Variants in FAM163A observed in about 807,000 individuals in gnomAD.
FAM163A encodes family with sequence similarity 163 member A, also known as protein FAM163A.
A neutral mutation model predicts 12.0 loss-of-function variants in FAM163A; 7 were observed. The ratio of observed to expected loss-of-function variants is 0.58; its 90% CI spans 0.33 to 1.10. The LOEUF (loss-of-function observed/expected upper bound fraction) is 1.10. FAM163A is among the 50% of genes least tolerant of loss of function. FAM163A has a pLI of 0.03. For missense variants in FAM163A, 202 were observed against 218.6 expected, an observed-to-expected ratio of 0.92 and a Z score of 0.48; for synonymous variants, 101 against 91.0, an observed-to-expected ratio of 1.11 and a Z score of -0.62.
chr1:179,813,257 G>A lies in FAM163A; in HGVS notation c.93+67G>A, dbSNP rs1694952915. ...AGCAAACCTCTTTTTCATTATGGGG[G>A]CAGAAACTGGAGGCCGACTTCAGGG... On this transcript the variant is annotated intron_variant, in intron 4 of 4. Coordinates refer to ENST00000341785, the MANE Select transcript of FAM163A (RefSeq NM_173509.3). The A allele has an allele frequency of 4.1e-6, 6 of 1,446,550 alleles. No homozygotes were observed. In the East Asian group the frequency reaches 1.0e-4, roughly 24 times the overall value. The allele number at this position is 1,446,550 out of a possible 1,614,324, so 89.6% of individuals were successfully genotyped here. A position where few individuals can be genotyped will look rare whatever the true frequency, so the allele number is the denominator to read the frequency against.
At position 179,803,908 on chromosome 1, in the gene FAM163A, C is replaced by T. The variant is rs559686026; in HGVS notation, c.-135-3890C>T. On this transcript the variant is annotated intron_variant, in intron 1 of 4. Transcript: ENST00000341785. ...CCACTTTATTGGCTCCATCCCCACC[C>T]AGGCTAATGCCACATGCCTTTGGTT... The T allele has an allele frequency of 4.6e-5, 7 of 151,136 alleles. No homozygotes were observed. The East Asian group carries it at 1.4e-3, about 30-fold the overall frequency. 9.4% of individuals were successfully genotyped at this position (151,136 alleles called of 1,614,324 possible).
At chr1:179,757,002 G>C (rs1210067414) in intron 1 of FAM163A, among the ~76,000 whole-genome samples, 2 of 152,154 alleles carry the variant, frequency 1.3e-5, no homozygotes, top group Non-Finnish European at 2.9e-5. Flanking sequence ...AGGAAGTAGA[G>C]ACAGCAAGTT....
the FAM163A span, among the ~76,000 whole-genome samples, chr1:179,732,734 A>G: frequency 5.7e-4 from 86 of 152,078 alleles, 1 homozygote; most frequent in Non-Finnish European, 1.5e-4. Context: ...TACAAAAATT[A>G]GCCAGGCGTG....
chr1:179,761,621 T>C (rs1036254614), intron 1 of FAM163A, among the ~76,000 whole-genome samples: 32 of 152,198 alleles, frequency 2.1e-4, no homozygotes, highest in African/African-American at 7.2e-4. Context: ...ACAGATCACA[T>C]TCTCAAAATA....
intron 2 of FAM163A, among the ~76,000 whole-genome samples, chr1:179,808,726 T>TA (rs1259316010): frequency 6.6e-6 from 1 of 151,920 alleles, no homozygotes; most frequent in African/African-American, 2.4e-5. Flanking sequence ...GGGAGGGGAG[T>TA]ACACAAGGGC....
At chr1:179,734,717 A>G in the FAM163A span, among the ~76,000 whole-genome samples, 1,407 of 152,324 alleles carry the variant, frequency 9.2e-3, 23 homozygotes, top group African/African-American at 0.03. Flanking sequence ...TTAGAATTTC[A>G]ACATAGAATT....
intron 1 of FAM163A, among the ~76,000 whole-genome samples, chr1:179,772,392 T>G (rs1428869422): frequency 6.6e-6 from 1 of 152,220 alleles, no homozygotes; most frequent in Admixed American, 6.5e-5. Flanking sequence ...TCAGTCTTTA[T>G]GTCTCCAGAC....
chr1:179,788,804 G>C (rs1213546451), intron 1 of FAM163A, among the ~76,000 whole-genome samples: 1 of 152,176 alleles, frequency 6.6e-6, no homozygotes, highest in Admixed American at 6.5e-5. Context: ...TGCAAACAAG[G>C]CACCCTGGCT....
intron 1 of FAM163A, among the ~76,000 whole-genome samples, chr1:179,746,038 G>T (rs1437128001): frequency 6.6e-6 from 1 of 152,104 alleles, no homozygotes; most frequent in Non-Finnish European, 1.5e-5. Context: ...GTCACTCAAG[G>T]GTTTAACTCC....
At chr1:179,764,484 C>T (rs1161822999) in intron 1 of FAM163A, among the ~76,000 whole-genome samples, 3 of 152,160 alleles carry the variant, frequency 2.0e-5, no homozygotes. Context: ...TCTGTACTCT[C>T]AAAGATTTCC....
intron 1 of FAM163A, among the ~76,000 whole-genome samples, chr1:179,748,932 T>C (rs141752389): frequency 6.6e-6 from 1 of 152,364 alleles, no homozygotes; most frequent in East Asian, 1.9e-4. Context: ...ACTTGTAACA[T>C]GAAACGTTTA....
At chr1:179,779,221 T>C (rs1689392295) in intron 1 of FAM163A, among the ~76,000 whole-genome samples, 1 of 152,228 alleles carries the variant, frequency 6.6e-6, no homozygotes, top group South Asian at 2.1e-4. Flanking sequence ...ACAAAAGTCA[T>C]ATCAAAATAA....
chr1:179,813,317 G>GT, intron 4 of FAM163A, 127 bp downstream of exon 4: 1 of 933,310 alleles, frequency 1.1e-6, no homozygotes, highest in Non-Finnish European at 1.6e-6. Context: ...TGTAGCAGGC[G>GT]TAAGTCAAGG....
At chr1:179,785,930 C>A (rs137892550) in intron 1 of FAM163A, among the ~76,000 whole-genome samples, 16 of 152,218 alleles carry the variant, frequency 1.1e-4, no homozygotes, top group African/African-American at 3.6e-4. Context: ...CAGTGAACAT[C>A]GAGTTGACAT....
At position 179,814,413 on chromosome 1, in the gene FAM163A, C is replaced by T. The variant is rs1001992108; in HGVS notation, c.*224C>T. 8.7e-6 allele frequency: 5 copies of T among 576,798 alleles called. No individual in the cohort carries two copies. The highest frequency in any genetic ancestry group is 1.2e-5 in the Non-Finnish European group (4 of 343,150). 35.7% of individuals were successfully genotyped at this position (576,798 alleles called of 1,614,324 possible). A position where few individuals can be genotyped will look rare whatever the true frequency, so the allele number is the denominator to read the frequency against. On this transcript the variant is annotated 3_prime_UTR_variant, in exon 5 of 5. Coordinates refer to ENST00000341785, the MANE Select transcript of FAM163A (RefSeq NM_173509.3). ...GGCCAGAGGTGGGGGACTGCTAGGT[C>T]GAGTCTGCAGCTTCGCCAGTTTCTT...
rs564945769 is a variant in FAM163A, at chr1:179,760,389, G to A, written c.-136+16966G>A. Among the ~76,000 whole-genome samples the A allele has an allele frequency of 3.3e-5, 5 of 152,302 alleles. 1 individual carries two copies. The East Asian group carries it at 5.8e-4, about 18-fold the overall frequency. ...AATGATAACCAAGTATAGAGGTGCC[G>A]TGATTCTATACGCATGAGGTGTTGA... is the stretch of plus-strand genomic sequence containing the variant. On this transcript the variant is annotated intron_variant, in intron 1 of 4. Transcript: ENST00000341785.
chr1:179,778,930 G>T (rs1194011580), intron 1 of FAM163A, among the ~76,000 whole-genome samples: 2 of 152,194 alleles, frequency 1.3e-5, no homozygotes, highest in Non-Finnish European at 2.9e-5. Context: ...ACAGGGTTTG[G>T]GAGGGAGGTT....
chr1:179,759,171 A>C (rs537947720), intron 1 of FAM163A, among the ~76,000 whole-genome samples: 1 of 152,230 alleles, frequency 6.6e-6, no homozygotes, highest in Non-Finnish European at 1.5e-5. Context: ...TGGATTGTAG[A>C]ATGTTCAGGA....
chr1:179,794,707 T>C (rs188718098), intron 1 of FAM163A, among the ~76,000 whole-genome samples: 3 of 152,312 alleles, frequency 2.0e-5, no homozygotes, highest in Admixed American at 6.5e-5. Context: ...CTAGGTGCTC[T>C]GGGAGATACA....
Sources: allele counts gnomAD v4.1 joint callset (sites outside exome capture counted in the v4.1 genomes callset), GRCh38; gene constraint gnomAD v4.1.1; transcripts MANE v1.5; gene names NCBI Gene and HGNC (gene_info 2026-07-23, HGNC 2026-07-21).